FAM135A: variants seen among roughly 807,000 people sequenced by gnomAD.
The protein encoded by FAM135A is protein FAM135A.
FAM135A carries 79 observed loss-of-function variants against 146.8 expected under a neutral mutation model. The observed-to-expected ratio is 0.54, with a 90% CI of 0.45 to 0.65. The LOEUF is 0.65. FAM135A is among the 30% of genes least tolerant of loss of function. The pLI is 0.00. For synonymous variants in FAM135A, 562 were observed against 603.6 expected, an observed-to-expected ratio of 0.93 and a Z score of 1.01; for missense variants, 1,623 against 1,758.2, an observed-to-expected ratio of 0.92 and a Z score of 1.38.
chr6:70,538,016 T>C (rs1198409879), intron 19 of FAM135A, among the ~76,000 whole-genome samples: 1 of 152,244 alleles, frequency 6.6e-6, no homozygotes, highest in Non-Finnish European at 1.5e-5. Context: ...TTCCAGTTTG[T>C]TCTTCATATG....
At chr6:70,503,287 C>T (rs1387481693) in intron 12 of FAM135A, 2 of 152,172 alleles carry the variant, frequency 1.3e-5, no homozygotes, top group African/African-American at 2.4e-5. Flanking sequence ...GCAGGTATTT[C>T]TATGTAATTT....
At chr6:70,466,959 C>G (rs1009345138) in intron 5 of FAM135A, among the ~76,000 whole-genome samples, 1 of 152,198 alleles carries the variant, frequency 6.6e-6, no homozygotes, top group Non-Finnish European at 1.5e-5. Context: ...TGTTTGGGAT[C>G]TTCCTTCACC....
chr6:70,524,601 CAAAA>C lies in FAM135A; in HGVS notation c.1521_1524del (p.Lys507AsnfsTer2). 6.5e-7 allele frequency: 1 copy of C among 1,541,814 alleles called. No homozygotes were observed. Among genetic ancestry groups the C allele is most frequent in the Non-Finnish European group, 8.7e-7 (1 of 1,144,500 alleles). On this transcript the variant is annotated frameshift_variant, in exon 15 of 22. Coordinates refer to ENST00000418814, the MANE Select transcript of FAM135A (RefSeq NM_001162529.3). LOFTEE classifies it high-confidence loss of function. ...ATGAAAACAATGAAATCTGAAAACA[CAAAA>C]AAATTAATAAAACAGAACTCTAAGG...
rs929022644 is a variant in FAM135A, at chr6:70,413,936, G to T, written c.-220+234G>T. 4.1e-6 allele frequency: 4 copies of T among 985,512 alleles called. No individual in the cohort carries two copies. In the South Asian group the frequency reaches 1.4e-4, roughly 35 times the overall value. 61.0% of individuals were successfully genotyped at this position (985,512 alleles called of 1,614,324 possible). On this transcript the variant is annotated intron_variant, in intron 1 of 21. Coordinates refer to ENST00000418814, the MANE Select transcript of FAM135A (RefSeq NM_001162529.3). ...GGGAGGCGAGGGGCCGCGGCGCGCT[G>T]CTCTCCCGGTGCCCGCGGCCGCCCC...
At chr6:70,556,893 A>G in intron 21 of FAM135A, 30 bp downstream of exon 21, 2 of 1,582,526 alleles carry the variant, frequency 1.3e-6, no homozygotes, top group Non-Finnish European at 1.7e-6. Flanking sequence ...TCAAAGAGTT[A>G]TAGGTATTAA....
At chr6:70,460,864 T>TA (rs1399142621) in intron 5 of FAM135A, among the ~76,000 whole-genome samples, 1 of 150,754 alleles carries the variant, frequency 6.6e-6, no homozygotes, top group Non-Finnish European at 1.5e-5. Flanking sequence ...TTTTTTTTTT[T>TA]AAGTAGACTC....
intron 21 of FAM135A, chr6:70,557,579 A>G (rs1801095692): frequency 1.3e-5 from 2 of 151,786 alleles, no homozygotes; most frequent in Admixed American, 1.3e-4. Flanking sequence ...CTGTAATCCC[A>G]GCTACTTGGG....
At chr6:70,431,356 C>A (rs1323610843) in intron 4 of FAM135A, among the ~76,000 whole-genome samples, 3 of 152,172 alleles carry the variant, frequency 2.0e-5, no homozygotes, top group Non-Finnish European at 2.9e-5. Context: ...AGTCAGATGG[C>A]AGATTGGCCG....
rs757814382 is a variant in FAM135A at position 70,481,055 on chromosome 6, TCTC to T, written c.669+31_669+33del. The T allele has an allele frequency of 2.6e-5, 40 of 1,519,060 alleles. No homozygotes were observed. In the Admixed American group the frequency reaches 8.8e-4, roughly 34 times the overall value. The allele number at this position is 1,519,060 out of a possible 1,614,324, so 94.1% of individuals were successfully genotyped here. On this transcript the variant is annotated intron_variant, in intron 9 of 21. Coordinates refer to ENST00000418814, the MANE Select transcript of FAM135A (RefSeq NM_001162529.3). ...AAGAACTGAATATGTTTATAAATCT[TCTC>T]CTTATTTTAAAAGAAGTGTTTTTAA...
At position 70,546,724 on chromosome 6, in the gene FAM135A, A is replaced by G. The variant is rs551142631; in HGVS notation, c.4228+8323A>G. On this transcript the variant is annotated intron_variant, in intron 20 of 21. Coordinates refer to ENST00000418814, the MANE Select transcript of FAM135A (RefSeq NM_001162529.3). ...TGTTACTTTTAAAGGGAAATTATCT[A>G]TTTTGATTAAGGAATTACAATTATA... is the stretch of plus-strand genomic sequence containing the variant. 2.0e-4 allele frequency among the ~76,000 whole-genome samples: 31 copies of G among 152,332 alleles called. 2 individuals carry two copies. The South Asian group carries it at 5.8e-3, about 28-fold the overall frequency.
intron 5 of FAM135A, among the ~76,000 whole-genome samples, chr6:70,461,066 C>T (rs1188689183): frequency 6.6e-6 from 1 of 151,802 alleles, no homozygotes; most frequent in African/African-American, 2.4e-5. Context: ...TCAAGTGATC[C>T]GCTGCCTCAG....
intron 18 of FAM135A, among the ~76,000 whole-genome samples, chr6:70,534,312 CTTTTTTTTTT>C (rs1179072858): frequency 2.2e-5 from 2 of 89,846 alleles, no homozygotes; most frequent in Admixed American, 1.4e-4. Flanking sequence ...AGTTTGTATA[CTTTTTTTTTT>C]TTTTTTTTTT....
chr6:70,464,824 G>A (rs1432111119), intron 5 of FAM135A, among the ~76,000 whole-genome samples: 2 of 134,794 alleles, frequency 1.5e-5, no homozygotes, highest in Non-Finnish European at 3.1e-5. Context: ...GCACCACCAC[G>A]CCTGGCCAAT....
intron 20 of FAM135A, among the ~76,000 whole-genome samples, chr6:70,546,371 G>A (rs765211134): frequency 6.6e-6 from 1 of 152,058 alleles, no homozygotes; most frequent in Non-Finnish European, 1.5e-5. Context: ...CGAATTTTCC[G>A]TTCTTTTGGA....
At chr6:70,435,102 TATA>T (rs1424215428) in intron 4 of FAM135A, among the ~76,000 whole-genome samples, 11 of 110,770 alleles carry the variant, frequency 9.9e-5, no homozygotes, top group African/African-American at 4.3e-4. Flanking sequence ...TATATATATA[TATA>T]TATATTTTTT....
Position 70,536,253 on chromosome 6 carries a change from C to T in FAM135A, c.3966-7C>T, listed in dbSNP as rs1436646509. 9 of 1,593,142 alleles carry T rather than the reference C, an allele frequency of 5.6e-6. No homozygotes were observed. The highest frequency in any genetic ancestry group is 1.7e-4 in the Middle Eastern group (1 of 5,952). On this transcript the variant is annotated splice_polypyrimidine_tract_variant and splice_region_variant and intron_variant, in intron 18 of 21. Transcript: ENST00000418814. Reference sequence around the variant, plus strand: ...GTGAGAAAATTAATTTTTTTTTCCTCTTAAAGCTTTATTGGACATTCGTTG... The same window carrying T: ...GTGAGAAAATTAATTTTTTTTTCCTTTTAAAGCTTTATTGGACATTCGTTG...
At chr6:70,423,452 C>A (rs1405118456) in intron 2 of FAM135A, among the ~76,000 whole-genome samples, 1 of 152,112 alleles carries the variant, frequency 6.6e-6, no homozygotes, top group Non-Finnish European at 1.5e-5. Context: ...ATTCGGTAAT[C>A]CAGAATTTGT....
chr6:70,492,145 A>G (rs1461324016), intron 11 of FAM135A, among the ~76,000 whole-genome samples: 2 of 151,898 alleles, frequency 1.3e-5, no homozygotes, highest in East Asian at 3.8e-4. Context: ...TATATGTAAA[A>G]TAATAAAAAT....
intron 5 of FAM135A, among the ~76,000 whole-genome samples, chr6:70,468,915 C>T (rs936389776): frequency 1.3e-5 from 2 of 152,118 alleles, no homozygotes; most frequent in Non-Finnish European, 2.9e-5. Flanking sequence ...AAGGAGGGGA[C>T]AGCGACCTAG....
Sources: gnomAD v4.1 joint callset for allele counts (sites outside exome capture counted in the v4.1 genomes callset) on GRCh38, gnomAD v4.1.1 for gene constraint, MANE v1.5 for transcripts, NCBI Gene and HGNC (gene_info 2026-07-23, HGNC 2026-07-21) for gene names.